ITGB3BP: variants seen among roughly 807,000 people sequenced by gnomAD.
ITGB3BP encodes integrin subunit beta 3 binding protein.
ITGB3BP carries 27 observed loss-of-function variants against 29.1 expected under a neutral mutation model. The ratio of observed to expected loss-of-function variants is 0.93; its 90% CI spans 0.68 to 1.28. ITGB3BP has a LOEUF of 1.28. ITGB3BP is among the 50% of genes most tolerant of loss of function. The probability of loss-of-function intolerance (pLI) is 0.00; values close to 1 mark genes in which losing one functional copy is unlikely to be tolerated. For synonymous variants in ITGB3BP, 61 were observed against 61.4 expected (o/e 0.99, Z 0.03); for missense variants, 192 against 200.2 (o/e 0.96, Z 0.25).
chr1:63,484,185 A>G (rs569439511), intron 3 of ITGB3BP, among the ~76,000 whole-genome samples: 49 of 152,312 alleles, frequency 3.2e-4, no homozygotes, highest in African/African-American at 1.0e-3. Flanking sequence ...AATACAGTAT[A>G]ACAACTATTT....
chr1:63,522,215 C>T (rs1296427723), intron 1 of ITGB3BP, among the ~76,000 whole-genome samples: 2 of 152,230 alleles, frequency 1.3e-5, no homozygotes, highest in South Asian at 4.1e-4. Context: ...ACAGCACCCA[C>T]ATTGTAATTC....
chr1:63,513,669 T>G (rs565846301), intron 1 of ITGB3BP, among the ~76,000 whole-genome samples: 5 of 152,282 alleles, frequency 3.3e-5, no homozygotes, highest in Middle Eastern at 6.8e-3. Flanking sequence ...CTTTAATATG[T>G]ATATTTTTAA....
chr1:63,483,538 T>C (rs557480693), intron 3 of ITGB3BP, among the ~76,000 whole-genome samples: 1 of 152,348 alleles, frequency 6.6e-6, no homozygotes, highest in African/African-American at 2.4e-5. Flanking sequence ...CTTTTCTTTA[T>C]TATTGCCCTG....
chr1:63,489,886 A>G (rs1645609352), intron 3 of ITGB3BP, among the ~76,000 whole-genome samples, 197 bp downstream of exon 3: 1 of 152,138 alleles, frequency 6.6e-6, no homozygotes, highest in African/African-American at 2.4e-5. Context: ...AAGGGAACAA[A>G]GCCTGCAGTT....
At chr1:63,519,841 A>G (rs1646410706) in intron 1 of ITGB3BP, among the ~76,000 whole-genome samples, 1 of 152,140 alleles carries the variant, frequency 6.6e-6, no homozygotes, top group African/African-American at 2.4e-5. Flanking sequence ...CTTGGAAAAA[A>G]TATAGCACAT....
chr1:63,447,110 C>A (rs1224153804), intron 7 of ITGB3BP: 1 of 444,616 alleles, frequency 2.2e-6, no homozygotes, highest in African/African-American at 2.0e-5. Flanking sequence ...ATGCTTATTA[C>A]CATTGTTAGT....
chr1:63,466,281 T>A (rs944417057), intron 4 of ITGB3BP, among the ~76,000 whole-genome samples: 3 of 152,226 alleles, frequency 2.0e-5, no homozygotes, highest in African/African-American at 7.2e-5. Flanking sequence ...TATTCAGTTC[T>A]GAGAAATGGT....
At chr1:63,446,518 G>C (rs1345058031) in intron 8 of ITGB3BP, 9 of 326,502 alleles carry the variant, frequency 2.8e-5, no homozygotes, top group Non-Finnish European at 5.7e-6. Context: ...AAAGATGCTT[G>C]ATTAAGGACC....
At chr1:63,517,508 A>G (rs1410731568) in intron 1 of ITGB3BP, among the ~76,000 whole-genome samples, 1 of 152,036 alleles carries the variant, frequency 6.6e-6, no homozygotes, top group African/African-American at 2.4e-5. Flanking sequence ...TCTTATGCTA[A>G]ATTATTATAT....
intron 1 of ITGB3BP, among the ~76,000 whole-genome samples, chr1:63,510,729 C>A (rs923179219): frequency 6.6e-6 from 1 of 151,882 alleles, no homozygotes; most frequent in Non-Finnish European, 1.5e-5. Context: ...GATCTCAGGC[C>A]CTGTGCATAA....
intron 2 of ITGB3BP, among the ~76,000 whole-genome samples, chr1:63,502,509 A>ACTT (rs1363935661): frequency 1.5e-5 from 1 of 65,660 alleles, no homozygotes; most frequent in African/African-American, 5.3e-5. Flanking sequence ...GGCAAAAGGC[A>ACTT]CTTCTTTTTT....
chr1:63,472,519 G>A (rs891576087), intron 4 of ITGB3BP, among the ~76,000 whole-genome samples: 1 of 136,704 alleles, frequency 7.3e-6, no homozygotes, highest in East Asian at 2.3e-4. Flanking sequence ...CTCTGATGCC[G>A]AGCCAAAGGT....
intron 4 of ITGB3BP, among the ~76,000 whole-genome samples, chr1:63,462,594 A>G (rs1645035218): frequency 6.6e-6 from 1 of 152,226 alleles, no homozygotes; most frequent in Non-Finnish European, 1.5e-5. Flanking sequence ...AATTTTAAAC[A>G]GTTGAAAATA....
intron 4 of ITGB3BP, among the ~76,000 whole-genome samples, chr1:63,472,471 C>T (rs1645218636): frequency 6.8e-6 from 1 of 146,014 alleles, no homozygotes; most frequent in African/African-American, 2.5e-5. Context: ...TCTCCCCTCT[C>T]CCCTCTCTCC....
intron 4 of ITGB3BP, among the ~76,000 whole-genome samples, chr1:63,475,942 G>A (rs1056158471): frequency 2.0e-5 from 3 of 146,890 alleles, no homozygotes; most frequent in Non-Finnish European, 4.5e-5. Context: ...AGGTTGCAGT[G>A]AGATGAGATT....
intron 1 of ITGB3BP, among the ~76,000 whole-genome samples, chr1:63,521,812 T>C (rs1205038216): frequency 2.0e-5 from 3 of 152,194 alleles, no homozygotes; most frequent in East Asian, 1.9e-4. Context: ...CCACTTTTCA[T>C]AGTTTTTTGG....
intron 1 of ITGB3BP, 183 bp downstream of exon 1, chr1:63,522,944 GTA>G (rs1454585207): frequency 1.3e-6 from 1 of 786,510 alleles, no homozygotes; most frequent in Non-Finnish European, 2.3e-6. Context: ...GAGGACTATC[GTA>G]TGAGTACCGC....
chr1:63,475,997 CAAA>C (rs71052481), intron 4 of ITGB3BP, among the ~76,000 whole-genome samples: 8 of 104,360 alleles, frequency 7.7e-5, no homozygotes, highest in Admixed American at 1.1e-4. Context: ...GACACTGTCT[CAAA>C]AAAAAAAAAA....
At chr1:63,458,264 A>G (rs933249590) in intron 4 of ITGB3BP, 3 of 152,074 alleles carry the variant, frequency 2.0e-5, no homozygotes, top group Non-Finnish European at 4.4e-5. Flanking sequence ...GGTTCTTCCT[A>G]TCTTGGCCAC....
Sources: allele counts gnomAD v4.1 joint callset (sites outside exome capture counted in the v4.1 genomes callset), GRCh38; gene constraint gnomAD v4.1.1; transcripts MANE v1.5; gene names NCBI Gene and HGNC (gene_info 2026-07-23, HGNC 2026-07-21).